The following MGAT4C variants were observed in gnomAD, a reference collection of about 807,000 sequenced individuals.
MGAT4C encodes the protein alpha-1,3-mannosyl-glycoprotein 4-beta-N-acetylglucosaminyltransferase C.
MGAT4C carries 19 observed loss-of-function variants against 40.1 expected under a neutral mutation model. The ratio of observed to expected loss-of-function variants is 0.47; its 90% confidence interval spans 0.33 to 0.70. The LOEUF (loss-of-function observed/expected upper bound fraction) is 0.70, where lower values mean the gene tolerates loss of function less well. Ranked by LOEUF, MGAT4C falls within the 30% of genes least tolerant of loss-of-function variation. The pLI is 0.02. For missense variants in MGAT4C, 491 were observed against 563.2 expected, an observed-to-expected ratio of 0.87 and a Z score of 1.30; for synonymous variants, 181 against 187.1, an observed-to-expected ratio of 0.97 and a Z score of 0.27.
intron 2 of MGAT4C, among the ~76,000 whole-genome samples, chr12:86,528,570 T>C (rs560631751): frequency 6.6e-4 from 101 of 152,170 alleles, no homozygotes; most frequent in Non-Finnish European, 1.3e-3. Flanking sequence ...TATTAAAGTG[T>C]TGTATATTTT....
intron 1 of MGAT4C, among the ~76,000 whole-genome samples, chr12:86,747,608 T>A (rs1565962527): frequency 6.6e-6 from 1 of 151,636 alleles, no homozygotes; most frequent in Non-Finnish European, 1.5e-5. Flanking sequence ...ATGATCTTTT[T>A]CTTTTTCAGA....
chr12:86,791,317 T>C (rs1408822807), intron 1 of MGAT4C, among the ~76,000 whole-genome samples: 1 of 152,088 alleles, frequency 6.6e-6, no homozygotes, highest in African/African-American at 2.4e-5. Flanking sequence ...GAGGTTCCCA[T>C]GATATATCCA....
rs1883370637 is a variant in MGAT4C, at chr12:85,966,443, C to G, written c.*12846G>C. The stretch of plus-strand genomic sequence containing the variant: ...ATCATTTGCCAGTGAAAATATAAAA[C>G]CTGGCTGTTTTATTCTATTGTGCAC... On this transcript the variant is annotated 3_prime_UTR_variant, in exon 5 of 5. Transcript: ENST00000611864. 6.6e-6 allele frequency: 1 copy of G among 152,040 alleles called. No homozygotes were observed. Among genetic ancestry groups the G allele is most frequent in the African/African-American group, 2.4e-5 (1 of 41,396 alleles). The allele number at this position is 152,040 out of a possible 1,614,324, so 9.4% of individuals were successfully genotyped here.
chr12:86,345,261 T>TTTTTA (rs201452731), intron 3 of MGAT4C, among the ~76,000 whole-genome samples: 1 of 151,752 alleles, frequency 6.6e-6, no homozygotes, highest in African/African-American at 2.4e-5. Context: ...TATTTATTTA[T>TTTTTA]TTTTATTTTA....
At chr12:86,098,661 ATAAC>A (rs1227647459) in intron 1 of MGAT4C, among the ~76,000 whole-genome samples, 1 of 151,606 alleles carries the variant, frequency 6.6e-6, no homozygotes, top group Non-Finnish European at 1.5e-5. Context: ...TAATTTCTCC[ATAAC>A]TAACATAGAT....
intron 2 of MGAT4C, among the ~76,000 whole-genome samples, chr12:86,484,179 A>G (rs908498458): frequency 6.6e-6 from 1 of 152,044 alleles, no homozygotes; most frequent in African/African-American, 2.4e-5. Context: ...GTAGACAGAG[A>G]CAGAGACCCA....
At chr12:86,773,689 TTAAC>T (rs1209658584) in intron 1 of MGAT4C, among the ~76,000 whole-genome samples, 1 of 151,992 alleles carries the variant, frequency 6.6e-6, no homozygotes, top group Non-Finnish European at 1.5e-5. Flanking sequence ...TTCATATCTC[TTAAC>T]TATTTATAAG....
chr12:86,260,977 T>C (rs1952646144), upstream of MGAT4C, among the ~76,000 whole-genome samples: 1 of 151,966 alleles, frequency 6.6e-6, no homozygotes, highest in Admixed American at 6.6e-5. Context: ...AAACAGCATA[T>C]ATAGCTACTC....
intron 2 of MGAT4C, among the ~76,000 whole-genome samples, chr12:86,455,654 G>T (rs1957497240): frequency 6.6e-6 from 1 of 151,992 alleles, no homozygotes; most frequent in Non-Finnish European, 1.5e-5. Flanking sequence ...CTTAATATGT[G>T]TTCAAATAAA....
intron 2 of MGAT4C, among the ~76,000 whole-genome samples, chr12:85,991,920 G>A (rs962498059): frequency 2.0e-5 from 3 of 152,170 alleles, no homozygotes; most frequent in Admixed American, 2.0e-4. Flanking sequence ...TCACCATCCT[G>A]ATGACAATAT....
chr12:86,028,801 A>C (rs1415864358), intron 2 of MGAT4C, among the ~76,000 whole-genome samples: 1 of 151,972 alleles, frequency 6.6e-6, no homozygotes, highest in African/African-American at 2.4e-5. Context: ...TTATTAAAAC[A>C]AAAGCACTGA....
chr12:86,226,488 C>T (rs1460651402), intron 1 of MGAT4C, among the ~76,000 whole-genome samples: 1 of 151,884 alleles, frequency 6.6e-6, no homozygotes, highest in African/African-American at 2.4e-5. Flanking sequence ...ATATCTTCAT[C>T]TTCTTAAACT....
At chr12:86,359,957 G>T (rs1430384308) in intron 3 of MGAT4C, among the ~76,000 whole-genome samples, 13 of 152,120 alleles carry the variant, frequency 8.5e-5, no homozygotes, top group Non-Finnish European at 1.8e-4. Context: ...AGATAAAGAG[G>T]GAATCCTCCC....
chr12:86,723,802 G>A (rs1950776367), intron 2 of MGAT4C, among the ~76,000 whole-genome samples: 1 of 152,112 alleles, frequency 6.6e-6, no homozygotes, highest in East Asian at 1.9e-4. Context: ...AAATGTTAAA[G>A]TGCTATTGTA....
At chr12:86,482,452 A>C (rs148197723) in intron 2 of MGAT4C, among the ~76,000 whole-genome samples, 6 of 152,132 alleles carry the variant, frequency 3.9e-5, no homozygotes, top group African/African-American at 1.4e-4. Flanking sequence ...TTAATTATAT[A>C]TATACTCGGG....
At chr12:85,988,788 G>A (rs1885554233) in intron 3 of MGAT4C, among the ~76,000 whole-genome samples, 1 of 151,788 alleles carries the variant, frequency 6.6e-6, no homozygotes, top group Non-Finnish European at 1.5e-5. Context: ...CTATTTATAT[G>A]TAATCACCTA....
intron 1 of MGAT4C, among the ~76,000 whole-genome samples, chr12:86,189,179 C>T (rs1354030847): frequency 6.6e-6 from 1 of 151,854 alleles, no homozygotes; most frequent in Non-Finnish European, 1.5e-5. Context: ...CCAAAGAGAA[C>T]ACTAGACTTC....
chr12:86,484,264 G>A (rs1331841475), intron 2 of MGAT4C, among the ~76,000 whole-genome samples: 1 of 152,182 alleles, frequency 6.6e-6, no homozygotes, highest in Non-Finnish European at 1.5e-5. Context: ...CTTCTCTAGA[G>A]GCTTTCTGTC....
chr12:86,678,518 T>C (rs912969900), intron 2 of MGAT4C, among the ~76,000 whole-genome samples: 19 of 151,714 alleles, frequency 1.3e-4, no homozygotes, highest in African/African-American at 3.6e-4. Context: ...CATGCTGGTG[T>C]GCTGCACCCA....
Sources: gnomAD v4.1 joint callset for allele counts (sites outside exome capture counted in the v4.1 genomes callset) on GRCh38, gnomAD v4.1.1 for gene constraint, MANE v1.5 for transcripts, NCBI Gene and HGNC (gene_info 2026-07-23, HGNC 2026-07-21) for gene names.